ACSL4: variants seen among roughly 807,000 people sequenced by gnomAD.
ACSL4 encodes acyl-CoA synthetase long chain family member 4.
A neutral mutation model predicts 49.1 loss-of-function variants in ACSL4; 9 were observed. The observed-to-expected ratio is 0.18, with a 90% CI of 0.11 to 0.32. The LOEUF (loss-of-function observed/expected upper bound fraction) is 0.32. ACSL4 is among the 10% of genes least tolerant of loss of function. The pLI is 1.00. For missense variants in ACSL4, 333 were observed against 493.7 expected, an observed-to-expected ratio of 0.67 and a Z score of 3.08; for synonymous variants, 191 against 170.3, an observed-to-expected ratio of 1.12 and a Z score of -0.95.
chrX:109,662,273 G>T (rs1163742763), intron 13 of ACSL4, among the ~76,000 whole-genome samples: 1 of 111,159 alleles, frequency 9.0e-6, no homozygotes, highest in Non-Finnish European at 1.9e-5. Context: ...CCTACCCGTA[G>T]CCTGGGAACC....
intron 9 of ACSL4, 54 bp downstream of exon 9, chrX:109,674,348 T>C: frequency 1.0e-6 from 1 of 1,001,416 alleles, no homozygotes; most frequent in Non-Finnish European, 1.4e-6. Flanking sequence ...CCAAGTACGA[T>C]CAATAAATTA....
At position 109,642,101 on chromosome X, in the gene ACSL4, A is replaced by ATGTGTTTCTAAAG. The variant is rs1934461084; in HGVS notation, c.*1927_*1928insCTTTAGAAACACA. 1 of 111,876 alleles carries ATGTGTTTCTAAAG rather than the reference A, an allele frequency of 8.9e-6. No individual in the cohort carries two copies. Among genetic ancestry groups the ATGTGTTTCTAAAG allele is most frequent in the Non-Finnish European group, 1.9e-5 (1 of 53,069 alleles). 9.2% of individuals were successfully genotyped at this position (111,876 alleles called of 1,213,427 possible). ...TATGTGTTTCTAAAGGACCTATAAC[A>ATGTGTTTCTAAAG]GATCAGTTGGCAGTGTTCTAGCTTT... On this transcript the variant is annotated 3_prime_UTR_variant, in exon 16 of 16. Transcript: ENST00000672401.
intron 1 of ACSL4, among the ~76,000 whole-genome samples, chrX:109,730,466 T>G (rs1474190335): frequency 8.9e-6 from 1 of 111,789 alleles, no homozygotes; most frequent in Non-Finnish European, 1.9e-5. Flanking sequence ...TGTTTGTCCT[T>G]GATTTGACTG....
chrX:109,698,041 G>A (rs901366436), intron 1 of ACSL4, among the ~76,000 whole-genome samples: 13 of 111,465 alleles, frequency 1.2e-4, no homozygotes, highest in Admixed American at 9.5e-5. Context: ...GAGAGTGTCA[G>A]GGAATTCTCC....
chrX:109,657,712 T>C (rs1569418767), intron 15 of ACSL4, among the ~76,000 whole-genome samples: 1 of 111,983 alleles, frequency 8.9e-6, no homozygotes, highest in African/African-American at 3.3e-5. Flanking sequence ...GCATTATTTA[T>C]AATCCTTTGG....
At chrX:109,731,087 A>C (rs760679223) in intron 1 of ACSL4, among the ~76,000 whole-genome samples, 1 of 111,921 alleles carries the variant, frequency 8.9e-6, no homozygotes, top group African/African-American at 3.2e-5. Context: ...CTGAGTTTAT[A>C]GATTTTCACA....
At chrX:109,731,240 T>C (rs1399680116) in intron 1 of ACSL4, among the ~76,000 whole-genome samples, 1 of 110,898 alleles carries the variant, frequency 9.0e-6, no homozygotes, top group African/African-American at 3.3e-5. Context: ...TATATGTGTG[T>C]GTGTATACCT....
At chrX:109,696,010 T>A (rs775431596) in intron 2 of ACSL4, 134 bp downstream of exon 2, 16 of 112,542 alleles carry the variant, frequency 1.4e-4, no homozygotes, top group Non-Finnish European at 2.8e-4. Flanking sequence ...ACTGCCTTTT[T>A]AAACACAATC....
Position 109,680,028 on chromosome X carries a change from TCC to T in ACSL4, c.655+968_655+969del, listed in dbSNP as rs1173361803. ...GATATTTGCACAGAGATAGTGTCTCTCCCCAGAGCAAACAGCAGGCATGCTTA... is the reference window on the plus strand; with the variant it reads ...GATATTTGCACAGAGATAGTGTCTCTCCAGAGCAAACAGCAGGCATGCTTA... On this transcript the variant is annotated intron_variant, in intron 6 of 15. Coordinates refer to ENST00000672401, the MANE Select transcript of ACSL4 (RefSeq NM_001318510.2). Among the ~76,000 whole-genome samples, 7 of 112,025 alleles carry T rather than the reference TCC, an allele frequency of 6.2e-5. No homozygotes were observed. The Admixed American group carries it at 6.6e-4, about 11-fold the overall frequency.
At chrX:109,683,790 A>G in intron 2 of ACSL4, 1 of 224,966 alleles carries the variant, frequency 4.4e-6, no homozygotes, top group Non-Finnish European at 8.0e-6. Flanking sequence ...GGTCTTTATT[A>G]GTTTACACAA....
At chrX:109,695,758 T>G (rs1290151067) in intron 2 of ACSL4, 1 of 111,072 alleles carries the variant, frequency 9.0e-6, no homozygotes, top group Non-Finnish European at 1.9e-5. Context: ...GTTAAACCCA[T>G]TTTAAAGATA....
At chrX:109,668,968 C>T (rs1263266549) in intron 10 of ACSL4, 66 bp downstream of exon 10, 1 of 966,512 alleles carries the variant, frequency 1.0e-6, no homozygotes, top group Non-Finnish European at 1.4e-6. Flanking sequence ...ATTTATTCAT[C>T]TTCTGGATTT....
rs776426921 is a variant in ACSL4, at chrX:109,644,321, G to A, written c.1856-135C>T. On this transcript the variant is annotated intron_variant, in intron 15 of 15. Coordinates refer to ENST00000672401, the MANE Select transcript of ACSL4 (RefSeq NM_001318510.2). Reference sequence around the variant, plus strand: ...TTTTCAGGATTTACCTAGATGATTCGGGTGTTGAATCACCAATCACCACAA... The same window carrying A: ...TTTTCAGGATTTACCTAGATGATTCAGGTGTTGAATCACCAATCACCACAA... 2.7e-3 allele frequency: 1,507 copies of A among 562,694 alleles called. 2 individuals are homozygous for A. Among genetic ancestry groups the A allele is most frequent in the Non-Finnish European group, 3.6e-3 (1,340 of 367,470 alleles). The allele number at this position is 562,694 out of a possible 1,213,427, so 46.4% of individuals were successfully genotyped here. A position where few individuals can be genotyped will look rare whatever the true frequency, so the allele number is the denominator to read the frequency against.
At chrX:109,689,585 TTG>T (rs1924884619) in intron 2 of ACSL4, among the ~76,000 whole-genome samples, 1 of 112,305 alleles carries the variant, frequency 8.9e-6, no homozygotes, top group Non-Finnish European at 1.9e-5. Flanking sequence ...CCCATGGCCT[TTG>T]TACTTGAGGT....
intron 9 of ACSL4, among the ~76,000 whole-genome samples, chrX:109,670,283 A>G (rs766908841): frequency 9.0e-6 from 1 of 111,237 alleles, no homozygotes; most frequent in Admixed American, 9.5e-5. Flanking sequence ...CAGCAGAACC[A>G]TCCCTTAAAA....
intron 9 of ACSL4, among the ~76,000 whole-genome samples, chrX:109,671,400 G>A (rs916963657): frequency 4.6e-5 from 5 of 109,878 alleles, no homozygotes; most frequent in Non-Finnish European, 9.6e-5. Flanking sequence ...CAGCCGCCCC[G>A]CCCGGGAGCT....
intron 1 of ACSL4, among the ~76,000 whole-genome samples, chrX:109,697,370 C>T (rs1239791335): frequency 4.5e-5 from 5 of 110,851 alleles, no homozygotes; most frequent in Non-Finnish European, 9.4e-5. Context: ...TTAGTCTAGA[C>T]GCCCCCATGG....
intron 1 of ACSL4, among the ~76,000 whole-genome samples, chrX:109,711,478 G>T (rs1926745151): frequency 8.9e-6 from 1 of 112,149 alleles, no homozygotes; most frequent in African/African-American, 3.2e-5. Flanking sequence ...TTCCTCATTT[G>T]CCACAACCAT....
At chrX:109,727,660 TG>T (rs1928112480) in intron 1 of ACSL4, among the ~76,000 whole-genome samples, 1 of 6,946 alleles carries the variant, frequency 1.4e-4, no homozygotes, top group African/African-American at 2.3e-3. Flanking sequence ...TGTTAAATTG[TG>T]TGTGTGTGTG....
Sources: allele counts gnomAD v4.1 joint callset (sites outside exome capture counted in the v4.1 genomes callset), GRCh38; gene constraint gnomAD v4.1.1; transcripts MANE v1.5; gene names NCBI Gene and HGNC (gene_info 2026-07-23, HGNC 2026-07-21).